CAMK2B: variants seen among roughly 807,000 people sequenced by gnomAD.
The protein encoded by CAMK2B is calcium/calmodulin dependent protein kinase II beta.
CAMK2B carries 27 observed loss-of-function variants against 93.7 expected under a neutral mutation model. That is an observed-to-expected ratio of 0.29 (90% CI 0.21 to 0.40). The LOEUF is 0.40. Among genes scored for constraint, CAMK2B ranks in the 10% least tolerant of loss-of-function variants. The probability of loss-of-function intolerance (pLI) is 1.00; values close to 1 mark genes in which losing one functional copy is unlikely to be tolerated. For missense variants in CAMK2B, 568 were observed against 895.8 expected (o/e 0.63, Z 4.67); for synonymous variants, 374 against 358.8 (o/e 1.04, Z -0.48).
chr7:44,275,682 G>T (rs747659417), intron 2 of CAMK2B, among the ~76,000 whole-genome samples: 1 of 152,192 alleles, frequency 6.6e-6, no homozygotes, highest in Non-Finnish European at 1.5e-5. Flanking sequence ...TACATCTTTT[G>T]ATTGTAAATC....
intron 1 of CAMK2B, among the ~76,000 whole-genome samples, chr7:44,289,170 C>T (rs1245303979): frequency 1.3e-5 from 2 of 152,142 alleles, no homozygotes. Flanking sequence ...CCACCAGTTG[C>T]TGACTATCCG....
At chr7:44,231,296 G>T (rs1403218131) in intron 16 of CAMK2B, among the ~76,000 whole-genome samples, 1 of 152,212 alleles carries the variant, frequency 6.6e-6, no homozygotes, top group East Asian at 1.9e-4. Context: ...ACCCAGTTCT[G>T]TGCTGGTCCC....
In CAMK2B at chr7:44,224,697, G is replaced by A. The variant is rs930408275; in HGVS notation, c.1597+1819C>T. On this transcript the variant is annotated intron_variant, in intron 20 of 23. Coordinates refer to ENST00000395749, the MANE Select transcript of CAMK2B (RefSeq NM_001220.5). This position sits in a 1 kb window ranked among gnomAD's most constrained non-coding sequence, Gnocchi z 4.4. ...ATCTCTCAGAGCCAGAGGTGGCTGC[G>A]GGAGGGAGGGCAGCTGCCCAGGGAT... Among the ~76,000 whole-genome samples, 3 of 152,188 alleles carry A rather than the reference G, an allele frequency of 2.0e-5. No individual in the cohort carries two copies. The highest frequency in any genetic ancestry group is 7.2e-5 in the African/African-American group (3 of 41,442).
intron 15 of CAMK2B, among the ~76,000 whole-genome samples, chr7:44,234,023 G>GGGTGGGGTCCT (rs1189182572): frequency 8.5e-5 from 13 of 152,224 alleles, no homozygotes; most frequent in Non-Finnish European, 1.5e-4. Flanking sequence ...GAGGAGCTGA[G>GGGTGGGGTCCT]GGTGGGGTCC....
At chr7:44,288,175 CA>C (rs1430268159) in intron 1 of CAMK2B, among the ~76,000 whole-genome samples, 2 of 152,242 alleles carry the variant, frequency 1.3e-5, no homozygotes, top group Non-Finnish European at 2.9e-5. Flanking sequence ...TGGTCAGAGC[CA>C]GGGGGTACCC....
chr7:44,244,613 C>A (rs1158453561), intron 6 of CAMK2B, among the ~76,000 whole-genome samples: 1 of 152,032 alleles, frequency 6.6e-6, no homozygotes, highest in Admixed American at 6.6e-5. Flanking sequence ...GCTTGATGAG[C>A]CGCCCAAAGA....
chr7:44,311,720 T>C lies in CAMK2B; in HGVS notation c.65+13637A>G, dbSNP rs1238372979. Among the ~76,000 whole-genome samples, 1 of 152,186 alleles carries C rather than the reference T, an allele frequency of 6.6e-6. No individual in the cohort carries two copies. The highest frequency in any genetic ancestry group is 1.5e-5 in the Non-Finnish European group (1 of 68,022). On this transcript the variant is annotated intron_variant, in intron 1 of 23. Transcript: ENST00000395749. The surrounding 1 kb of genome is among the most constrained non-coding windows in gnomAD (Gnocchi z 4.2). ...CACAGGACCCCCACCGCCCCAGCTC[T>C]GGGCCTCAGGGACAACAGTGGGAAA... is the stretch of plus-strand genomic sequence containing the variant.
Position 44,325,385 on chromosome 7 carries a change from C to A in CAMK2B, c.37G>T (p.Glu13Ter). ...TTVTCTRFTD[E>*]YQLYEDIGKG... ...CCAATATCCTCGTAGAGCTGGTACT[C>A]GTCGGTGAAGCGGGTGCAGGTCACC... Residue 13 changes from glutamate to a stop codon, truncating the protein, a stop_gained, in exon 1 of 24, where the codon GAG becomes TAG. Transcript: ENST00000395749. LOFTEE classifies it high-confidence loss of function. 8.1e-7 allele frequency: 1 copy of A among 1,230,318 alleles called. No individual in the cohort carries two copies. The highest frequency in any genetic ancestry group is 1.0e-6 in the Non-Finnish European group (1 of 957,668). The allele number at this position is 1,230,318 out of a possible 1,614,324, so 76.2% of individuals were successfully genotyped here. A position where few individuals can be genotyped will look rare whatever the true frequency, so the allele number is the denominator to read the frequency against.
chr7:44,262,327 G>T (rs2096885622), intron 3 of CAMK2B, among the ~76,000 whole-genome samples: 1 of 152,180 alleles, frequency 6.6e-6, no homozygotes, highest in African/African-American at 2.4e-5. Flanking sequence ...CGTCCCTAGG[G>T]CGTTTCCTGG....
intron 11 of CAMK2B, among the ~76,000 whole-genome samples, chr7:44,241,356 T>C (rs923702191): frequency 6.6e-6 from 1 of 152,174 alleles, no homozygotes. Flanking sequence ...GCCGGAAGCT[T>C]CGGACTTGCT....
chr7:44,325,069 G>C (rs1212754004), intron 1 of CAMK2B: 1 of 151,074 alleles, frequency 6.6e-6, no homozygotes, highest in Non-Finnish European at 1.5e-5. Flanking sequence ...GCGCTCCGGG[G>C]ACACCTGCTG....
At chr7:44,238,864 A>G (rs1348605842) in intron 13 of CAMK2B, among the ~76,000 whole-genome samples, 7 of 152,144 alleles carry the variant, frequency 4.6e-5, no homozygotes, top group Non-Finnish European at 8.8e-5. Flanking sequence ...GGGGTCGCCT[A>G]GCCCTCATGG....
At chr7:44,242,143 C>T (rs1442728296) in intron 10 of CAMK2B, 75 bp downstream of exon 10, 3 of 1,532,244 alleles carry the variant, frequency 2.0e-6, no homozygotes, top group Non-Finnish European at 2.6e-6. Flanking sequence ...CTCTTGGGGT[C>T]CTTGCCAGGG....
At chr7:44,258,629 G>A (rs186704358) in intron 4 of CAMK2B, among the ~76,000 whole-genome samples, 2 of 152,224 alleles carry the variant, frequency 1.3e-5, no homozygotes, top group African/African-American at 4.8e-5. Context: ...AGGAGAGGGG[G>A]AGTCCAGGAT....
rs976285199 is a variant in CAMK2B at position 44,242,159 on chromosome 7, G to A, written c.819+59C>T. Reference sequence around the variant, plus strand: ...TCTTGGGGTCCTTGCCAGGGGAGTGGTCTGAGGCCATCTCCACCAGGAGCC... The same window carrying A: ...TCTTGGGGTCCTTGCCAGGGGAGTGATCTGAGGCCATCTCCACCAGGAGCC... On this transcript the variant is annotated intron_variant, in intron 10 of 23. Transcript: ENST00000395749. 1.1e-5 allele frequency: 17 copies of A among 1,577,794 alleles called. No individual in the cohort carries two copies. In the African/African-American group the frequency reaches 1.3e-4, roughly 13 times the overall value.
chr7:44,315,024 C>A (rs1173078257), intron 1 of CAMK2B, among the ~76,000 whole-genome samples: 1 of 152,200 alleles, frequency 6.6e-6, no homozygotes, highest in Non-Finnish European at 1.5e-5. Context: ...ATTCTATGGA[C>A]TATTCTATTC....
Position 44,286,598 on chromosome 7 carries a change from A to C in CAMK2B, c.66-2373T>G, listed in dbSNP as rs1785200166. ...GTTCCTCAGCACACGACATCCATGCACCATATCACCAAGAGCCTGACCGCA... is the reference window on the plus strand; with the variant it reads ...GTTCCTCAGCACACGACATCCATGCCCCATATCACCAAGAGCCTGACCGCA... On this transcript the variant is annotated intron_variant, in intron 1 of 23. Transcript: ENST00000395749. The surrounding 1 kb of genome is among the most constrained non-coding windows in gnomAD (Gnocchi z 4.0). 6.6e-6 allele frequency among the ~76,000 whole-genome samples: 1 copy of C among 152,172 alleles called. No homozygotes were observed. Among genetic ancestry groups the C allele is most frequent in the Non-Finnish European group, 1.5e-5 (1 of 68,024 alleles).
intron 2 of CAMK2B, among the ~76,000 whole-genome samples, chr7:44,281,297 C>T (rs902889157): frequency 6.6e-6 from 1 of 152,228 alleles, no homozygotes; most frequent in Admixed American, 6.5e-5. Flanking sequence ...ACTTGTGGGT[C>T]TTCATCCATG....
chr7:44,251,500 C>G (rs907112602), intron 5 of CAMK2B, among the ~76,000 whole-genome samples: 1 of 152,230 alleles, frequency 6.6e-6, no homozygotes. Flanking sequence ...CTGAGGCTGT[C>G]GCACCAGCAG....
Sources: allele counts gnomAD v4.1 joint callset (sites outside exome capture counted in the v4.1 genomes callset), GRCh38; gene constraint gnomAD v4.1.1; non-coding constraint Gnocchi (gnomAD v3.1); transcripts MANE v1.5; gene names NCBI Gene and HGNC (gene_info 2026-07-23, HGNC 2026-07-21).